The following SHANK1 variants were observed in gnomAD, a reference collection of about 807,000 sequenced individuals.
The protein encoded by SHANK1 is SH3 and multiple ankyrin repeat domains protein 1.
SHANK1 carries 35 observed loss-of-function variants against 165.6 expected under a neutral mutation model. That is an observed-to-expected ratio of 0.21 (90% CI 0.16 to 0.28). The LOEUF (loss-of-function observed/expected upper bound fraction) is 0.28. Among genes scored for constraint, SHANK1 ranks in the 10% least tolerant of loss-of-function variants. The pLI is 1.00. For missense variants in SHANK1, 2,681 were observed against 3,036.4 expected, an observed-to-expected ratio of 0.88 and a Z score of 2.75; for synonymous variants, 1,428 against 1,384.8, an observed-to-expected ratio of 1.03 and a Z score of -0.69.
Position 50,667,559 on chromosome 19 carries a change from CG to C in SHANK1, c.4400del (p.Pro1467ArgfsTer7), listed in dbSNP as rs1412395187. Reference protein sequence around the residue: ...PLLLQLGTEPPAPHPGVSKPW... With the variant: ...PLLLQLGTEPXAPHPGVSKPW... ...GCTTGCTTACTCCGGGGTGCGGGGC[CG>C]GGGGCTCCGTCCCCAGCTGCAGCAG... On this transcript the variant is annotated frameshift_variant, in exon 23 of 24. Coordinates refer to ENST00000293441, the MANE Select transcript of SHANK1 (RefSeq NM_016148.5). LOFTEE classifies it high-confidence loss of function. This position sits in a 1 kb window ranked among gnomAD's most constrained non-coding sequence, Gnocchi z 5.7. 1.0e-5 allele frequency: 15 copies of C among 1,457,954 alleles called. No homozygotes were observed. Among genetic ancestry groups the C allele is most frequent in the Admixed American group, 5.3e-5 (2 of 37,620 alleles). 90.3% of individuals were successfully genotyped at this position (1,457,954 alleles called of 1,614,324 possible).
At chr19:50,682,304 T>C (rs1038069818) in intron 21 of SHANK1, among the ~76,000 whole-genome samples, 49 of 152,194 alleles carry the variant, frequency 3.2e-4, no homozygotes, top group Admixed American at 3.1e-3. Context: ...TCTGCCTGCC[T>C]TGGCCTCCCA....
chr19:50,691,711 C>T (rs1031213621), intron 15 of SHANK1, among the ~76,000 whole-genome samples: 4 of 152,216 alleles, frequency 2.6e-5, no homozygotes, highest in Non-Finnish European at 5.9e-5. Flanking sequence ...GAATCTCACT[C>T]TCTTGCCCAG....
chr19:50,666,616 G>C lies in SHANK1; in HGVS notation c.5344C>G (p.Pro1782Ala). The C allele has an allele frequency of 6.2e-7, 1 of 1,600,450 alleles. No individual in the cohort carries two copies. The highest frequency in any genetic ancestry group is 8.5e-7 in the Non-Finnish European group (1 of 1,176,098). Residue 1782 changes from proline (P) to alanine (A), a missense_variant, in exon 23 of 24, where the codon CCC becomes GCC. Physicochemically the swap from Pro to Ala is conservative, Grantham distance 27. Transcript: ENST00000293441. ...PSGGLRDPVTPTSPTVSVTGA... is the reference protein window; with the variant it reads ...PSGGLRDPVTATSPTVSVTGA... ...GTCACCGAGACGGTGGGGCTGGTGG[G>C]GGTAACAGGGTCTCGGAGTCCCCCG...
At chr19:50,696,416 C>G (rs1469813681) in intron 15 of SHANK1, among the ~76,000 whole-genome samples, 1 of 152,052 alleles carries the variant, frequency 6.6e-6, no homozygotes, top group African/African-American at 2.4e-5. Context: ...TCTCTGTCCC[C>G]CCCATCCCCG....
chr19:50,667,923 G>A lies in SHANK1; in HGVS notation c.4037C>T (p.Ala1346Val). Residue 1346 changes from alanine to valine, a missense_variant, in exon 23 of 24, where the codon GCC becomes GTC. Physicochemically the swap from Ala to Val is moderately conservative, Grantham distance 64 (BLOSUM62 0). Around this residue, in one of 10 missense-constraint regions of SHANK1, gnomAD observed 1,713 missense variants for 1,630.2 expected, o/e 1.05. Transcript: ENST00000293441. The surrounding 1 kb of genome is among the most constrained non-coding windows in gnomAD (Gnocchi z 5.7). Reference sequence around the variant, plus strand: ...CCCCAGCGGGGAGGCGGGATCCAGGGCCTTGCCGGTCAGCGGGTGCACCAG... The same window carrying A: ...CCCCAGCGGGGAGGCGGGATCCAGGACCTTGCCGGTCAGCGGGTGCACCAG... Reference protein sequence around the residue: ...RPLVHPLTGKALDPASPLGLA... With the variant: ...RPLVHPLTGKVLDPASPLGLA... 1.5e-6 allele frequency: 2 copies of A among 1,367,212 alleles called. No homozygotes were observed. The highest frequency in any genetic ancestry group is 1.7e-5 in the South Asian group (1 of 57,766). The allele number at this position is 1,367,212 out of a possible 1,614,324, so 84.7% of individuals were successfully genotyped here. A position where few individuals can be genotyped will look rare whatever the true frequency, so the allele number is the denominator to read the frequency against.
chr19:50,668,211 G>A lies in SHANK1; in HGVS notation c.3749C>T (p.Ala1250Val). 6.7e-7 allele frequency: 1 copy of A among 1,495,926 alleles called. No homozygotes were observed. The highest frequency in any genetic ancestry group is 8.8e-7 in the Non-Finnish European group (1 of 1,135,864). 92.7% of individuals were successfully genotyped at this position (1,495,926 alleles called of 1,614,324 possible). A position where few individuals can be genotyped will look rare whatever the true frequency, so the allele number is the denominator to read the frequency against. Reference sequence around the variant, plus strand: ...CAGGAACAGCGTGGAGCGCCGGCGCGCCTCATTCTGCCAGCCCCCCTCCCT... The same window carrying A: ...CAGGAACAGCGTGGAGCGCCGGCGCACCTCATTCTGCCAGCCCCCCTCCCT... Reference protein sequence around the residue: ...ARREGGWQNEARRRSTLFLST... With the variant: ...ARREGGWQNEVRRRSTLFLST... Residue 1250 changes from alanine (A) to valine (V), a missense_variant, in exon 23 of 24, where the codon GCG becomes GTG. Physicochemically the swap from Ala to Val is moderately conservative, Grantham distance 64 (BLOSUM62 0). Around this residue, in one of 10 missense-constraint regions of SHANK1, gnomAD observed 1,713 missense variants for 1,630.2 expected, o/e 1.05. Transcript: ENST00000293441.
Position 50,702,519 on chromosome 19 carries a change from G to A in SHANK1, c.1695C>T (p.Tyr565=), listed in dbSNP as rs766206058. ...PGRSFMAVKS[Y]QAQAEGEISL... is the part of the protein sequence containing the mutation. ...AGATCTCCCCCTCGGCTTGGGCCTG[G>A]TAGGACTTCACAGCCATGAAGGAGC... Residue 565 remains tyrosine (Y), a synonymous_variant, in exon 12 of 24, where the codon TAC becomes TAT. Coordinates refer to ENST00000293441, the MANE Select transcript of SHANK1 (RefSeq NM_016148.5). The surrounding 1 kb of genome is among the most constrained non-coding windows in gnomAD (Gnocchi z 5.3). The A allele has an allele frequency of 1.9e-6, 3 of 1,613,342 alleles. No individual in the cohort carries two copies. Among genetic ancestry groups the A allele is most frequent in the South Asian group, 1.1e-5 (1 of 91,066 alleles).
chr19:50,689,475 A>G lies in SHANK1; in HGVS notation c.1965-196T>C. 2 of 695,900 alleles carry G rather than the reference A, an allele frequency of 2.9e-6. 1 individual carries two copies. Among genetic ancestry groups the G allele is most frequent in the East Asian group, 5.5e-5 (2 of 36,272 alleles). 43.1% of individuals were successfully genotyped at this position (695,900 alleles called of 1,614,324 possible). ...GATGGGCTTCCCCCTCAGAGCCGGCATGCTCTCTCTCTCACTCCCTCTCTC... is the reference window on the plus strand; with the variant it reads ...GATGGGCTTCCCCCTCAGAGCCGGCGTGCTCTCTCTCTCACTCCCTCTCTC... On this transcript the variant is annotated intron_variant, in intron 15 of 23. Transcript: ENST00000293441.
Position 50,716,263 on chromosome 19 carries a change from G to A in SHANK1, c.459+12C>T, listed in dbSNP as rs746341812. On this transcript the variant is annotated intron_variant, in intron 3 of 23. Transcript: ENST00000293441. This position sits in a 1 kb window ranked among gnomAD's most constrained non-coding sequence, Gnocchi z 8.4. ...CCTTCTCTTATCAGTGAAGGAGTTG[G>A]GGAAGCTTCACCTCCAGGTAGGGGA... 1.9e-6 allele frequency: 3 copies of A among 1,611,654 alleles called. No homozygotes were observed. In the South Asian group the frequency reaches 3.3e-5, roughly 18 times the overall value.
chr19:50,668,808 C>T lies in SHANK1; in HGVS notation c.3152G>A (p.Arg1051Lys). 5 of 1,271,818 alleles carry T rather than the reference C, an allele frequency of 3.9e-6. No homozygotes were observed. Among genetic ancestry groups the T allele is most frequent in the South Asian group, 6.4e-5 (2 of 31,158 alleles). The allele number at this position is 1,271,818 out of a possible 1,614,324, so 78.8% of individuals were successfully genotyped here. Residue 1051 changes from arginine to lysine, a missense_variant, in exon 23 of 24, where the codon AGG becomes AAG. Physicochemically the swap from Arg to Lys is conservative, Grantham distance 26. Coordinates refer to ENST00000293441, the MANE Select transcript of SHANK1 (RefSeq NM_016148.5). ...CGGGGTCGGGCTGGGCCCGCCGCCCCTCCAGCCTCGCAGGCTGGGCTGGGG... is the reference window on the plus strand; with the variant it reads ...CGGGGTCGGGCTGGGCCCGCCGCCCTTCCAGCCTCGCAGGCTGGGCTGGGG... ...LGPQPSLRGW[R>K]GGGPSPTPGA... is the part of the protein sequence containing the mutation.
rs142402078 is a variant in SHANK1 at position 50,692,456 on chromosome 19, G to GATATATATAT, written c.1965-3187_1965-3178dup. Among the ~76,000 whole-genome samples the GATATATATAT allele has an allele frequency of 8.3e-4, 107 of 128,884 alleles. 4 individuals are homozygous for GATATATATAT. The highest frequency in any genetic ancestry group is 2.6e-3 in the African/African-American group (81 of 31,494). The allele number at this position is 128,884 out of a possible 152,430, so 84.6% of individuals were successfully genotyped here. A position where few individuals can be genotyped will look rare whatever the true frequency, so the allele number is the denominator to read the frequency against. On this transcript the variant is annotated intron_variant, in intron 15 of 23. Coordinates refer to ENST00000293441, the MANE Select transcript of SHANK1 (RefSeq NM_016148.5). ...TCAAAGCCAAGATTTGAATTCACCA[G>GATATATATAT]ATATATATATATATATACACACACA...
chr19:50,673,545 T>C (rs1985876171), intron 21 of SHANK1, among the ~76,000 whole-genome samples: 1 of 152,080 alleles, frequency 6.6e-6, no homozygotes. Flanking sequence ...CAGACTGCAC[T>C]TCCCTCTGTC....
In SHANK1 at chr19:50,719,233, G is replaced by T. The variant is rs563023507; in HGVS notation, c.-44+173C>A. Among the ~76,000 whole-genome samples, 407 of 151,876 alleles carry T rather than the reference G, an allele frequency of 2.7e-3. 1 individual carries two copies. Among genetic ancestry groups the T allele is most frequent in the African/African-American group, 8.6e-3 (355 of 41,454 alleles). ...GGGACGGGGCACCGGGGACCCGGGC[G>T]TAACCCAATTTGGTGTCGCCCAGGG... On this transcript the variant is annotated intron_variant, in intron 1 of 23. Coordinates refer to ENST00000293441, the MANE Select transcript of SHANK1 (RefSeq NM_016148.5).
In SHANK1 at chr19:50,703,766, C is replaced by T. The variant is rs374557333; in HGVS notation, c.1287G>A (p.Thr429=). 14 of 1,430,254 alleles carry T rather than the reference C, an allele frequency of 9.8e-6. No homozygotes were observed. Among genetic ancestry groups the T allele is most frequent in the East Asian group, 2.6e-5 (1 of 39,086 alleles). The allele number at this position is 1,430,254 out of a possible 1,614,324, so 88.6% of individuals were successfully genotyped here. ...RRRGPPGTGL[T]VPPALLRANS... ...TGGCCCGCAGCAGCGCCGGGGGCACCGTCAGCCCTGTGCCTGGGGGCCCCC... is the reference window on the plus strand; with the variant it reads ...TGGCCCGCAGCAGCGCCGGGGGCACTGTCAGCCCTGTGCCTGGGGGCCCCC... Residue 429 remains threonine, a synonymous_variant, in exon 11 of 24, where the codon ACG becomes ACA. Coordinates refer to ENST00000293441, the MANE Select transcript of SHANK1 (RefSeq NM_016148.5).
Position 50,717,427 on chromosome 19 carries a change from A to G in SHANK1, c.-43-465T>C, listed in dbSNP as rs1351952069. Among the ~76,000 whole-genome samples, 1 of 152,152 alleles carries G rather than the reference A, an allele frequency of 6.6e-6. No individual in the cohort carries two copies. The highest frequency in any genetic ancestry group is 1.5e-5 in the Non-Finnish European group (1 of 68,030). Reference sequence around the variant, plus strand: ...GGGCCGGGGGGTGGGGTTGGGGAGAAGCTGAGGCTGACACTGAGATGTAGT... The same window carrying G: ...GGGCCGGGGGGTGGGGTTGGGGAGAGGCTGAGGCTGACACTGAGATGTAGT... On this transcript the variant is annotated intron_variant, in intron 1 of 23. Coordinates refer to ENST00000293441, the MANE Select transcript of SHANK1 (RefSeq NM_016148.5). This position sits in a 1 kb window ranked among gnomAD's most constrained non-coding sequence, Gnocchi z 5.5.
At chr19:50,689,010 TG>T in intron 16 of SHANK1, 42 bp from the exon 17 acceptor site, 1 of 1,374,338 alleles carries the variant, frequency 7.3e-7, no homozygotes, top group Non-Finnish European at 1.0e-6. Context: ...GGGGAGGGGG[TG>T]GAGAGGCCGA....
At position 50,660,282 on chromosome 19, in the gene SHANK1, A is replaced by G; in HGVS notation, c.*1683T>C. Among the ~76,000 whole-genome samples the G allele has an allele frequency of 6.6e-6, 1 of 151,894 alleles. No homozygotes were observed. The highest frequency in any genetic ancestry group is 6.6e-5 in the Admixed American group (1 of 15,242). On this transcript the variant is annotated 3_prime_UTR_variant, in exon 24 of 24. Coordinates refer to ENST00000293441, the MANE Select transcript of SHANK1 (RefSeq NM_016148.5). ...GCTGGAGGGAGAGGGAGCTTCTTGG[A>G]GTGGACAGGTTAGGAGAGGGCAATC...
chr19:50,696,291 C>G (rs907768945), intron 15 of SHANK1, among the ~76,000 whole-genome samples: 1 of 152,128 alleles, frequency 6.6e-6, no homozygotes, highest in Non-Finnish European at 1.5e-5. Flanking sequence ...CCAATACTCA[C>G]CCGGTGCCCA....
At chr19:50,663,014 A>G (rs978618054) in intron 23 of SHANK1, 1 of 353,830 alleles carries the variant, frequency 2.8e-6, no homozygotes, top group Non-Finnish European at 5.2e-6. Flanking sequence ...AGTGCTTTAC[A>G]TGATTGCATC....
Sources: allele counts gnomAD v4.1 joint callset (sites outside exome capture counted in the v4.1 genomes callset), GRCh38; gene constraint gnomAD v4.1.1; regional missense constraint gnomAD v4.1.1; non-coding constraint Gnocchi (gnomAD v3.1); transcripts MANE v1.5; gene names NCBI Gene and HGNC (gene_info 2026-07-23, HGNC 2026-07-21).